Variants in SRGAP1 observed in about 807,000 individuals in gnomAD.
SRGAP1 encodes SLIT-ROBO Rho GTPase-activating protein 1.
SRGAP1 carries 43 observed loss-of-function variants against 121.9 expected under a neutral mutation model. That is an observed-to-expected ratio of 0.35 (90% confidence interval 0.28 to 0.46). The LOEUF is 0.46. SRGAP1 is among the 20% of genes least tolerant of loss of function. The probability of loss-of-function intolerance (pLI) is 1.00; values close to 1 mark genes in which losing one functional copy is unlikely to be tolerated. For synonymous variants in SRGAP1, 447 were observed against 485.4 expected, an observed-to-expected ratio of 0.92 and a Z score of 1.04; for missense variants, 1,102 against 1,350.9, an observed-to-expected ratio of 0.82 and a Z score of 2.89.
chr12:64,149,033 T>C lies in SRGAP1; in HGVS notation c.*6361T>C, dbSNP rs1467371285. Reference sequence around the variant, plus strand: ...AGAGTCGTCATTGTTAGTAAAATAGTGGTTTTTCCATTTTTACTGCTATAT... The same window carrying C: ...AGAGTCGTCATTGTTAGTAAAATAGCGGTTTTTCCATTTTTACTGCTATAT... On this transcript the variant is annotated 3_prime_UTR_variant, in exon 22 of 22. Coordinates refer to ENST00000355086, the MANE Select transcript of SRGAP1 (RefSeq NM_020762.4). 6.6e-6 allele frequency: 1 copy of C among 152,258 alleles called. No homozygotes were observed. The highest frequency in any genetic ancestry group is 2.4e-5 in the African/African-American group (1 of 41,472). 9.4% of individuals were successfully genotyped at this position (152,258 alleles called of 1,614,324 possible).
chr12:63,902,116 AC>A (rs1376780809), intron 1 of SRGAP1, among the ~76,000 whole-genome samples: 1 of 152,196 alleles, frequency 6.6e-6, no homozygotes, highest in Non-Finnish European at 1.5e-5. Context: ...GGAGTTCGAA[AC>A]CAGCCTGGGC....
intron 8 of SRGAP1, among the ~76,000 whole-genome samples, chr12:64,070,272 C>A (rs2136547688): frequency 6.6e-6 from 1 of 152,248 alleles, no homozygotes; most frequent in Non-Finnish European, 1.5e-5. Context: ...GTTCTCATTT[C>A]TTCAAGTTTC....
chr12:63,917,648 A>G (rs1312336140), intron 1 of SRGAP1, among the ~76,000 whole-genome samples: 2 of 152,146 alleles, frequency 1.3e-5, no homozygotes, highest in African/African-American at 4.8e-5. Context: ...AGGATATATT[A>G]TAGCTGATAG....
chr12:64,060,848 CTTG>C (rs2035438807), intron 6 of SRGAP1, among the ~76,000 whole-genome samples: 1 of 152,132 alleles, frequency 6.6e-6, no homozygotes, highest in Non-Finnish European at 1.5e-5. Flanking sequence ...GTTCAAATTC[CTTG>C]TGGATGGAGA....
intron 10 of SRGAP1, among the ~76,000 whole-genome samples, chr12:64,086,520 CCT>C (rs1453639520): frequency 2.6e-5 from 4 of 151,984 alleles, no homozygotes; most frequent in Admixed American, 6.5e-5. Context: ...TCTCCAGTCC[CCT>C]GATTCATATT....
At chr12:63,970,060 C>G (rs934047094) in intron 1 of SRGAP1, among the ~76,000 whole-genome samples, 1 of 152,168 alleles carries the variant, frequency 6.6e-6, no homozygotes, top group African/African-American at 2.4e-5. Context: ...CCCACCTTCC[C>G]CCTTTCCCCA....
chr12:63,973,444 T>C (rs903705575), intron 1 of SRGAP1, among the ~76,000 whole-genome samples: 1 of 152,218 alleles, frequency 6.6e-6, no homozygotes, highest in African/African-American at 2.4e-5. Context: ...AAAATACTTA[T>C]GCACTCTCTG....
chr12:64,147,542 C>T lies in SRGAP1; in HGVS notation c.*4870C>T. 2.5e-6 allele frequency: 1 copy of T among 398,878 alleles called. No homozygotes were observed. The highest frequency in any genetic ancestry group is 4.4e-6 in the Non-Finnish European group (1 of 226,284). 24.7% of individuals were successfully genotyped at this position (398,878 alleles called of 1,614,324 possible). A position where few individuals can be genotyped will look rare whatever the true frequency, so the allele number is the denominator to read the frequency against. Reference sequence around the variant, plus strand: ...AGACGTGATTGTGCCTTTCTCACCCCTGTGTCCTCCCATCCCACCGCATCA... The same window carrying T: ...AGACGTGATTGTGCCTTTCTCACCCTTGTGTCCTCCCATCCCACCGCATCA... On this transcript the variant is annotated 3_prime_UTR_variant, in exon 22 of 22. Transcript: ENST00000355086.
intron 6 of SRGAP1, among the ~76,000 whole-genome samples, chr12:64,045,699 G>C (rs978108379): frequency 6.6e-6 from 1 of 152,094 alleles, no homozygotes; most frequent in African/African-American, 2.4e-5. Flanking sequence ...TTCCCAAAGT[G>C]CTGGGATTAC....
At chr12:63,857,468 G>A (rs1197106237) in intron 1 of SRGAP1, among the ~76,000 whole-genome samples, 1 of 151,524 alleles carries the variant, frequency 6.6e-6, no homozygotes, top group East Asian at 1.9e-4. Flanking sequence ...TGCAACCTCC[G>A]CCTCCCATGT....
In SRGAP1 at chr12:64,126,110, C is replaced by G. The variant is rs12303060; in HGVS notation, c.2358C>G (p.Asn786Lys). Residue 786 changes from asparagine (N) to lysine (K), a missense_variant, in exon 19 of 22, where the codon AAC becomes AAG. Asn to Lys is a moderately conservative substitution (Grantham distance 94). Transcript: ENST00000355086. ...AGGACTGGTGGGAAGGCAGGCACAACGGGATTGACGGGCTGGTGCCTCACC... is the reference window on the plus strand; with the variant it reads ...AGGACTGGTGGGAAGGCAGGCACAAGGGGATTGACGGGCTGGTGCCTCACC... ...ASEDWWEGRHNGIDGLVPHQY... is the reference protein window; with the variant it reads ...ASEDWWEGRHKGIDGLVPHQY... The G allele has an allele frequency of 6.2e-7, 1 of 1,613,968 alleles. No individual in the cohort carries two copies. Among genetic ancestry groups the G allele is most frequent in the Non-Finnish European group, 8.5e-7 (1 of 1,180,004 alleles).
chr12:64,095,270 T>C, intron 14 of SRGAP1, 66 bp downstream of exon 14: 7 of 1,413,516 alleles, frequency 5.0e-6, no homozygotes, highest in Non-Finnish European at 7.0e-6. Context: ...TAAACTGAAG[T>C]GGCACCCTTA....
intron 1 of SRGAP1, among the ~76,000 whole-genome samples, chr12:63,900,204 C>CTTTTTTTTTTTTTTT (rs67622101): frequency 8.0e-5 from 7 of 87,522 alleles, no homozygotes; most frequent in Admixed American, 1.3e-4. Flanking sequence ...TTTTCTTTTT[C>CTTTTTTTTTTTTTTT]TTTTTTTTTT....
chr12:63,924,676 C>T (rs2031190756), intron 1 of SRGAP1, among the ~76,000 whole-genome samples: 2 of 152,092 alleles, frequency 1.3e-5, no homozygotes, highest in Non-Finnish European at 2.9e-5. Context: ...GGCAATGCCA[C>T]CTTTTTTTAT....
chr12:63,985,272 C>T (rs916793649), intron 2 of SRGAP1, among the ~76,000 whole-genome samples: 20 of 152,026 alleles, frequency 1.3e-4, no homozygotes, highest in Admixed American at 4.6e-4. Flanking sequence ...GGCAAGGGGC[C>T]GGCAGGGAAT....
intron 21 of SRGAP1, among the ~76,000 whole-genome samples, chr12:64,134,296 C>T (rs545835859): frequency 1.3e-5 from 2 of 151,998 alleles, no homozygotes; most frequent in East Asian, 3.9e-4. Flanking sequence ...TGGTGGGTGC[C>T]TGTAGTCCCA....
chr12:64,103,094 C>T (rs1023005061), intron 15 of SRGAP1, among the ~76,000 whole-genome samples: 1 of 152,166 alleles, frequency 6.6e-6, no homozygotes, highest in Non-Finnish European at 1.5e-5. Context: ...ATCCTCCCCC[C>T]TCAGCCTCCC....
rs372530353 is a variant in SRGAP1 at position 64,113,279 on chromosome 12, G to A, written c.2144+1293G>A. ...AAAAATTAGCCAGGCATGGTGGTAC[G>A]TGCCTGTAGTCCCAGCTACTCCGGA... On this transcript the variant is annotated intron_variant, in intron 17 of 21. Coordinates refer to ENST00000355086, the MANE Select transcript of SRGAP1 (RefSeq NM_020762.4). Among the ~76,000 whole-genome samples, 61 of 152,088 alleles carry A rather than the reference G, an allele frequency of 4.0e-4. No homozygotes were observed. In the East Asian group the frequency reaches 5.0e-3, roughly 13 times the overall value.
intron 12 of SRGAP1, among the ~76,000 whole-genome samples, chr12:64,091,581 GTAT>G (rs752832623): frequency 4.6e-5 from 7 of 151,952 alleles, no homozygotes; most frequent in Non-Finnish European, 1.0e-4. Flanking sequence ...ATAAATGTGA[GTAT>G]TATTATGTGG....
Sources: gnomAD v4.1 joint callset for allele counts (sites outside exome capture counted in the v4.1 genomes callset) on GRCh38, gnomAD v4.1.1 for gene constraint, MANE v1.5 for transcripts, NCBI Gene and HGNC (gene_info 2026-07-23, HGNC 2026-07-21) for gene names.